Variants in PSD2 observed in about 807,000 individuals in gnomAD.
The protein encoded by PSD2 is pleckstrin and Sec7 domain containing 2.
A neutral mutation model predicts 69.8 loss-of-function variants in PSD2; 38 were observed. That is an observed-to-expected ratio of 0.54 (90% CI 0.42 to 0.71). PSD2 has a LOEUF of 0.71. Ranked by LOEUF, PSD2 falls within the 30% of genes least tolerant of loss-of-function variation. The probability of loss-of-function intolerance (pLI) is 0.00; values close to 1 mark genes in which losing one functional copy is unlikely to be tolerated. For synonymous variants in PSD2, 412 were observed against 423.0 expected (o/e 0.97, Z 0.32); for missense variants, 943 against 1,014.5 (o/e 0.93, Z 0.96).
At chr5:139,798,221 C>T (rs1759582414) in intron 1 of PSD2, among the ~76,000 whole-genome samples, 1 of 152,184 alleles carries the variant, frequency 6.6e-6, no homozygotes, top group African/African-American at 2.4e-5. Flanking sequence ...TGGCTCCTTG[C>T]CACAGCTCAA....
chr5:139,790,704 A>G, the PSD2 span, among the ~76,000 whole-genome samples: 1 of 152,150 alleles, frequency 6.6e-6, no homozygotes, highest in Non-Finnish European at 1.5e-5. Context: ...TGTGGCAGTC[A>G]CTGAGGACTA....
upstream of PSD2, among the ~76,000 whole-genome samples, chr5:139,794,207 G>C (rs1247605613): frequency 6.6e-6 from 1 of 152,206 alleles, no homozygotes; most frequent in Non-Finnish European, 1.5e-5. Context: ...GACCAGCTGT[G>C]CTCACAGATT....
At chr5:139,786,635 C>T in the PSD2 span, among the ~76,000 whole-genome samples, 1 of 152,134 alleles carries the variant, frequency 6.6e-6, no homozygotes, top group South Asian at 2.1e-4. Flanking sequence ...GGGGCAGTGA[C>T]TCTTGGTGAC....
Position 139,839,998 on chromosome 5 carries a change from G to T in PSD2, c.1969-29G>T. 6.2e-7 allele frequency: 1 copy of T among 1,613,366 alleles called. No individual in the cohort carries two copies. The highest frequency in any genetic ancestry group is 8.5e-7 in the Non-Finnish European group (1 of 1,179,478). On this transcript the variant is annotated intron_variant, in intron 13 of 14. Transcript: ENST00000274710. This position sits in a 1 kb window ranked among gnomAD's most constrained non-coding sequence, Gnocchi z 5.1. Reference sequence around the variant, plus strand: ...CACTCCGTGACATCCTGAGAGTAAGGCCTCACAGTCCAGGATTTGTCTTTG... The same window carrying T: ...CACTCCGTGACATCCTGAGAGTAAGTCCTCACAGTCCAGGATTTGTCTTTG...
chr5:139,807,427 GGGAACCGATT>G (rs1554094517), intron 1 of PSD2, among the ~76,000 whole-genome samples: 2 of 149,306 alleles, frequency 1.3e-5, no homozygotes, highest in Non-Finnish European at 3.0e-5. Context: ...TACAACCAGA[GGGAACCGATT>G]GAAATAGCAA....
At position 139,814,386 on chromosome 5, in the gene PSD2, C is replaced by A; in HGVS notation, c.1016+22C>A. On this transcript the variant is annotated intron_variant, in intron 4 of 14. Transcript: ENST00000274710. The surrounding 1 kb of genome is among the most constrained non-coding windows in gnomAD (Gnocchi z 4.4). ...AGAAGTGAGTGTGAGCTCCCCTGCC[C>A]CCAACCCTGGGCAAACCTCGTGTCT... The A allele has an allele frequency of 1.3e-6, 2 of 1,569,472 alleles. No homozygotes were observed. Among genetic ancestry groups the A allele is most frequent in the Non-Finnish European group, 1.7e-6 (2 of 1,158,222 alleles).
At chr5:139,767,119 A>G in the PSD2 span, among the ~76,000 whole-genome samples, 5 of 150,992 alleles carry the variant, frequency 3.3e-5, 1 homozygote, top group South Asian at 8.4e-4. Flanking sequence ...CAGCCTCCCG[A>G]GTAGCTGGGA....
the PSD2 span, among the ~76,000 whole-genome samples, chr5:139,756,961 C>G: frequency 5.9e-5 from 9 of 152,336 alleles, no homozygotes; most frequent in Non-Finnish European, 1.2e-4. Context: ...AGTCTCCATT[C>G]ATCCACACAA....
At chr5:139,784,912 G>A in the PSD2 span, among the ~76,000 whole-genome samples, 1 of 151,970 alleles carries the variant, frequency 6.6e-6, no homozygotes, top group Non-Finnish European at 1.5e-5. Flanking sequence ...GCACCACCAC[G>A]CCTGGCTAAT....
intron 1 of PSD2, among the ~76,000 whole-genome samples, chr5:139,805,645 G>A (rs1759785531): frequency 6.6e-6 from 1 of 152,334 alleles, no homozygotes; most frequent in Middle Eastern, 3.4e-3. Context: ...TCAGGAGGCA[G>A]TGTTGGAGTT....
At chr5:139,775,572 G>A in the PSD2 span, 1 of 152,448 alleles carries the variant, frequency 6.6e-6, no homozygotes, top group Non-Finnish European at 1.5e-5. Context: ...ATTCAGACCA[G>A]GCCCGCCTGA....
the PSD2 span, among the ~76,000 whole-genome samples, chr5:139,748,907 T>TGGGG: frequency 1.0e-3 from 153 of 146,910 alleles, 3 homozygotes; most frequent in South Asian, 0.025. Context: ...TGGGGTATGT[T>TGGGG]GGGGGGGGTG....
chr5:139,746,681 G>A, the PSD2 span, among the ~76,000 whole-genome samples: 1 of 152,210 alleles, frequency 6.6e-6, no homozygotes, highest in Non-Finnish European at 1.5e-5. The surrounding 1 kb of genome is among the most constrained non-coding windows in gnomAD (Gnocchi z 4.5). Context: ...GGACTGATGC[G>A]CGAGGGAGGC....
intron 6 of PSD2, among the ~76,000 whole-genome samples, chr5:139,822,425 G>A (rs1454298793): frequency 1.3e-5 from 2 of 152,222 alleles, no homozygotes; most frequent in African/African-American, 4.8e-5. Flanking sequence ...GTCAATGCAG[G>A]GGCAGGGCTG....
intron 1 of PSD2, among the ~76,000 whole-genome samples, chr5:139,808,342 G>T (rs1236359788): frequency 1.3e-5 from 2 of 152,240 alleles, no homozygotes; most frequent in African/African-American, 4.8e-5. Flanking sequence ...TCTGGGATTA[G>T]GTTGGGCAGG....
At chr5:139,834,808 C>T (rs1408963667) in intron 8 of PSD2, among the ~76,000 whole-genome samples, 1 of 151,970 alleles carries the variant, frequency 6.6e-6, no homozygotes, top group Non-Finnish European at 1.5e-5. Flanking sequence ...CACTATCCAC[C>T]TATCCATTTC....
At chr5:139,829,112 G>T (rs1280485428) in intron 7 of PSD2, among the ~76,000 whole-genome samples, 2 of 152,158 alleles carry the variant, frequency 1.3e-5, no homozygotes, top group African/African-American at 4.8e-5. Flanking sequence ...CTTTTTGCCT[G>T]GTTGTCATTA....
chr5:139,821,941 G>A lies in PSD2; in HGVS notation c.1146G>A (p.Glu382=), dbSNP rs1265727331. The stretch of plus-strand genomic sequence containing the variant: ...TGATGGGGGAGACACAAGAGCGTGA[G>A]CGGGTCCTCACACACTTCTCCCGCC... ...FPLMGETQER[E]RVLTHFSRRY... is the part of the protein sequence containing the mutation. Residue 382 remains glutamate (E), a synonymous_variant, in exon 6 of 15, where the codon GAG becomes GAA. Transcript: ENST00000274710. The A allele has an allele frequency of 1.2e-6, 2 of 1,611,058 alleles. No individual in the cohort carries two copies. The highest frequency in any genetic ancestry group is 1.7e-6 in the Non-Finnish European group (2 of 1,178,482).
At chr5:139,786,826 A>G in the PSD2 span, among the ~76,000 whole-genome samples, 1 of 152,084 alleles carries the variant, frequency 6.6e-6, no homozygotes, top group Non-Finnish European at 1.5e-5. Flanking sequence ...TTTTTGGAAG[A>G]GCCTGCCTGG....
Sources: gnomAD v4.1 joint callset for allele counts (sites outside exome capture counted in the v4.1 genomes callset) on GRCh38, gnomAD v4.1.1 for gene constraint, Gnocchi (gnomAD v3.1) non-coding constraint, MANE v1.5 for transcripts, NCBI Gene and HGNC (gene_info 2026-07-23, HGNC 2026-07-21) for gene names.